DOP1B: variants seen among roughly 807,000 people sequenced by gnomAD.
The protein encoded by DOP1B is protein DOP1B.
DOP1B carries 174 observed loss-of-function variants against 233.5 expected under a neutral mutation model. The ratio of observed to expected loss-of-function variants is 0.75; its 90% confidence interval spans 0.66 to 0.85. The LOEUF is 0.85. DOP1B is among the 40% of genes least tolerant of loss of function. The probability of loss-of-function intolerance (pLI) is 0.00; values close to 1 mark genes in which losing one functional copy is unlikely to be tolerated. For synonymous variants in DOP1B, 1,190 were observed against 1,185.6 expected (o/e 1.00, Z -0.08); for missense variants, 2,652 against 2,846.6 (o/e 0.93, Z 1.56).
intron 5 of DOP1B, 66 bp from the exon 6 acceptor site, chr21:36,211,487 G>A: frequency 7.0e-7 from 1 of 1,438,654 alleles, no homozygotes; most frequent in East Asian, 2.3e-5. Flanking sequence ...CCCGGGAAAG[G>A]TTACTTTCGT....
At chr21:36,175,116 C>T (rs1042621511) in intron 2 of DOP1B, among the ~76,000 whole-genome samples, 1 of 145,720 alleles carries the variant, frequency 6.9e-6, no homozygotes, top group African/African-American at 2.5e-5. Context: ...TCTTCTTCTT[C>T]TTTTTTTTTT....
intron 14 of DOP1B, 55 bp from the exon 15 acceptor site, chr21:36,232,749 A>G (rs2066781624): frequency 5.0e-6 from 8 of 1,603,536 alleles, no homozygotes; most frequent in Non-Finnish European, 6.0e-6. Context: ...CAGACTGGGG[A>G]CCCATTCTCA....
At chr21:36,288,707 G>T (rs1569073584) in intron 33 of DOP1B, 49 bp from the exon 34 acceptor site, 4 of 1,350,462 alleles carry the variant, frequency 3.0e-6, no homozygotes, top group South Asian at 1.3e-5. Context: ...AAATATTTGG[G>T]TAGATTTAAT....
At chr21:36,261,364 CAAAAAA>C (rs71196994) in intron 24 of DOP1B, 42 of 890,002 alleles carry the variant, frequency 4.7e-5, no homozygotes, top group Non-Finnish European at 5.2e-5. Context: ...GGCTCTGTCT[CAAAAAA>C]AAAAAAAAAA....
chr21:36,205,689 G>A (rs866989783), intron 4 of DOP1B, among the ~76,000 whole-genome samples: 52 of 148,786 alleles, frequency 3.5e-4, no homozygotes, highest in African/African-American at 4.2e-4. Flanking sequence ...TGCCTGGCCC[G>A]TTTGTTGGTT....
rs776449940 is a variant in DOP1B at position 36,245,702 on chromosome 21, T to G, written c.3722T>G (p.Leu1241Arg). Residue 1241 changes from leucine to arginine, a missense_variant, in exon 19 of 37, where the codon CTC becomes CGC. Leu to Arg is a moderately radical substitution (Grantham distance 102). Coordinates refer to ENST00000691173, the MANE Select transcript of DOP1B (RefSeq NM_001320714.2). The surrounding 1 kb of genome is among the most constrained non-coding windows in gnomAD (Gnocchi z 5.5). ...CAGCCCTACGACTCTCGGCGGGTCC[T>G]CTATGCCTTCTCGGTGCTGGAGGCT... is the stretch of plus-strand genomic sequence containing the variant. ...YLQPYDSRRVLYAFSVLEAVL... is the reference protein window; with the variant it reads ...YLQPYDSRRVRYAFSVLEAVL... The G allele has an allele frequency of 2.5e-5, 40 of 1,613,392 alleles. No homozygotes were observed. Among genetic ancestry groups the G allele is most frequent in the Non-Finnish European group, 3.3e-5 (39 of 1,179,940 alleles).
At chr21:36,185,106 G>A (rs1011590963) in intron 2 of DOP1B, among the ~76,000 whole-genome samples, 4 of 152,108 alleles carry the variant, frequency 2.6e-5, no homozygotes, top group Non-Finnish European at 4.4e-5. Context: ...TTTGGTGTTT[G>A]TTAAACAGAT....
chr21:36,246,696 G>A lies in DOP1B; in HGVS notation c.4697+19G>A. On this transcript the variant is annotated intron_variant, in intron 19 of 36. Transcript: ENST00000691173. The surrounding 1 kb of genome is among the most constrained non-coding windows in gnomAD (Gnocchi z 5.1). The stretch of plus-strand genomic sequence containing the variant: ...CTGTCAGGTGCGTTACGCTCCTTGT[G>A]ACATCTTTATTGCTTTAGTGATGGT... 1 of 1,590,546 alleles carries A rather than the reference G, an allele frequency of 6.3e-7. No individual in the cohort carries two copies. The highest frequency in any genetic ancestry group is 1.7e-5 in the Admixed American group (1 of 58,988).
In DOP1B at chr21:36,176,956, T is replaced by C. The variant is rs577424599; in HGVS notation, c.138+12085T>C. Among the ~76,000 whole-genome samples, 25 of 152,242 alleles carry C rather than the reference T, an allele frequency of 1.6e-4. No individual in the cohort carries two copies. The East Asian group carries it at 4.1e-3, about 25-fold the overall frequency. ...GCCCCAGGCTCCTGAGTAGCTGGGA[T>C]CACAGGCATGCGCCACCACACCTGG... On this transcript the variant is annotated intron_variant, in intron 2 of 36. Transcript: ENST00000691173.
intron 26 of DOP1B, 70 bp downstream of exon 26, chr21:36,263,884 A>G: frequency 1.4e-6 from 2 of 1,420,026 alleles, no homozygotes; most frequent in Non-Finnish European, 2.0e-6. Flanking sequence ...GGGGGATATC[A>G]GATAGCAGGT....
Position 36,245,873 on chromosome 21 carries a change from T to A in DOP1B, c.3893T>A (p.Leu1298His). 1.9e-6 allele frequency: 3 copies of A among 1,613,480 alleles called. No individual in the cohort carries two copies. The highest frequency in any genetic ancestry group is 2.5e-6 in the Non-Finnish European group (3 of 1,179,916). The part of the protein sequence containing the change: ...ALIGQSFYGK[L>H]QTQVPNVCPH... ...ATTGGCCAGAGTTTCTACGGAAAGC[T>A]CCAGACCCAGGTCCCCAACGTGTGC... Residue 1298 changes from leucine to histidine, a missense_variant, in exon 19 of 37, where the codon CTC becomes CAC. Leu to His is a moderately conservative substitution (Grantham distance 99, BLOSUM62 -3). Coordinates refer to ENST00000691173, the MANE Select transcript of DOP1B (RefSeq NM_001320714.2). This position sits in a 1 kb window ranked among gnomAD's most constrained non-coding sequence, Gnocchi z 5.5.
intron 2 of DOP1B, among the ~76,000 whole-genome samples, chr21:36,176,097 C>CGTGTGTGTGTGTGTGTGTGT (rs1555886143): frequency 0.072 from 10,260 of 141,678 alleles, 471 homozygotes; most frequent in East Asian, 0.1. Context: ...GGTGTGTGTG[C>CGTGTGTGTGTGTGTGTGTGT]GTGTGTGTGT....
rs777250678 is a variant in DOP1B, at chr21:36,231,116, A to G, written c.2332A>G (p.Thr778Ala). 1.2e-5 allele frequency: 19 copies of G among 1,586,344 alleles called. No individual in the cohort carries two copies. Among genetic ancestry groups the G allele is most frequent in the African/African-American group, 8.1e-5 (6 of 74,344 alleles). ...GGAAGAGACCGAGCAGCTCTGTGCA[A>G]CGCTCTTCCAGCTGCCAGGTGAGAG... ...SEEETEQLCA[T>A]LFQLPGAGDS... Residue 778 changes from threonine (T) to alanine (A), a missense_variant, in exon 14 of 37, where the codon ACG becomes GCG. Physicochemically the swap from Thr to Ala is moderately conservative, Grantham distance 58 (BLOSUM62 0). Coordinates refer to ENST00000691173, the MANE Select transcript of DOP1B (RefSeq NM_001320714.2).
intron 10 of DOP1B, among the ~76,000 whole-genome samples, chr21:36,219,999 A>C (rs1359507892): frequency 2.6e-5 from 4 of 152,080 alleles, no homozygotes; most frequent in Admixed American, 1.3e-4. Flanking sequence ...ATTCCCCCAG[A>C]GGCAGAGTGA....
chr21:36,169,530 C>A, intron 2 of DOP1B: 1 of 1,117,194 alleles, frequency 9.0e-7, no homozygotes, highest in South Asian at 1.3e-5. Flanking sequence ...CCGATGATGT[C>A]GATCATCTCG....
chr21:36,257,085 C>T (rs2067106846), intron 23 of DOP1B, among the ~76,000 whole-genome samples: 1 of 152,288 alleles, frequency 6.6e-6, no homozygotes, highest in Non-Finnish European at 1.5e-5. Flanking sequence ...GTTAATTTGT[C>T]AGAGCAGCTC....
chr21:36,209,114 G>T (rs909671678), intron 5 of DOP1B, among the ~76,000 whole-genome samples: 1 of 151,994 alleles, frequency 6.6e-6, no homozygotes, highest in African/African-American at 2.4e-5. Flanking sequence ...ATGCATTAAG[G>T]TTTTTTTTGT....
intron 18 of DOP1B, among the ~76,000 whole-genome samples, chr21:36,243,349 AT>A (rs369677349): frequency 2.7e-5 from 4 of 148,144 alleles, no homozygotes; most frequent in African/African-American, 5.0e-5. Context: ...TGACTCACTA[AT>A]TTTTTTTTCC....
At chr21:36,248,322 G>A (rs749562374) in intron 20 of DOP1B, 58 bp from the exon 21 acceptor site, 9 of 1,579,198 alleles carry the variant, frequency 5.7e-6, no homozygotes, top group Non-Finnish European at 7.8e-6. Flanking sequence ...CTGCCCTCGT[G>A]GGAAGAAAAA....
Sources: gnomAD v4.1 joint callset for allele counts (sites outside exome capture counted in the v4.1 genomes callset) on GRCh38, gnomAD v4.1.1 for gene constraint, Gnocchi (gnomAD v3.1) non-coding constraint, MANE v1.5 for transcripts, NCBI Gene and HGNC (gene_info 2026-07-23, HGNC 2026-07-21) for gene names.